Variants in TMEM41B observed in about 807,000 individuals in gnomAD.
TMEM41B encodes protein stasimon.
TMEM41B carries 18 observed loss-of-function variants against 31.9 expected under a neutral mutation model. The ratio of observed to expected loss-of-function variants is 0.56; its 90% CI spans 0.39 to 0.84. TMEM41B has a LOEUF of 0.84. Ranked by LOEUF, TMEM41B falls within the 40% of genes least tolerant of loss-of-function variation. The probability of loss-of-function intolerance (pLI) is 0.00; values close to 1 mark genes in which losing one functional copy is unlikely to be tolerated. For synonymous variants in TMEM41B, 144 were observed against 124.3 expected, an observed-to-expected ratio of 1.16 and a Z score of -1.05; for missense variants, 322 against 348.0, an observed-to-expected ratio of 0.93 and a Z score of 0.59.
intron 2 of TMEM41B, among the ~76,000 whole-genome samples, chr11:9,297,743 C>T (rs1274483387): frequency 4.0e-5 from 6 of 151,560 alleles, no homozygotes; most frequent in Non-Finnish European, 8.8e-5. Context: ...GCTATGTGAC[C>T]CAGGCTGTTC....
intron 2 of TMEM41B, among the ~76,000 whole-genome samples, chr11:9,296,203 T>C (rs149146164): frequency 3.3e-5 from 5 of 152,210 alleles, no homozygotes; most frequent in African/African-American, 1.2e-4. Flanking sequence ...AGACAGGCAA[T>C]TTTTTCTTTT....
Position 9,295,345 on chromosome 11 carries a change from A to C in TMEM41B, c.282T>G (p.Asp94Glu), listed in dbSNP as rs769965437. The change falls in exon 3 of 7, where the codon GAT (aspartate) becomes GAG (glutamate). Residue 94 changes from aspartate to glutamate, a missense_variant. Asp to Glu is a conservative substitution (Grantham distance 45). Around this residue, in one of 3 missense-constraint regions of TMEM41B, gnomAD observed 183 missense variants for 175.3 expected, o/e 1.04. Coordinates refer to ENST00000528080, the MANE Select transcript of TMEM41B (RefSeq NM_015012.4). The stretch of plus-strand genomic sequence containing the variant: ...ATAAAACTTTTCCTAGAGCCTTGGC[A>C]TCATCCATATCTCTGGGAACCTTCA... ...VNMKVPRDMD[D>E]AKALGKVLSK... is the part of the protein sequence containing the mutation. The C allele has an allele frequency of 1.3e-6, 2 of 1,597,674 alleles. No individual in the cohort carries two copies. Among genetic ancestry groups the C allele is most frequent in the South Asian group, 1.1e-5 (1 of 88,404 alleles).
At chr11:9,312,375 A>G (rs890922150) in intron 1 of TMEM41B, among the ~76,000 whole-genome samples, 4 of 152,178 alleles carry the variant, frequency 2.6e-5, no homozygotes, top group Non-Finnish European at 5.9e-5. Context: ...GGTGGCACAC[A>G]CCTGTAGTCA....
chr11:9,314,588 T>C lies in TMEM41B; in HGVS notation c.-147A>G, dbSNP rs558772829. On this transcript the variant is annotated 5_prime_UTR_variant, in exon 1 of 7. Coordinates refer to ENST00000528080, the MANE Select transcript of TMEM41B (RefSeq NM_015012.4). ...CCCGAGACGACCTCAGCCCAGCGAG[T>C]ACTGCAACCTCCTGCAAACACCCGC... 2 of 1,133,812 alleles carry C rather than the reference T, an allele frequency of 1.8e-6. No homozygotes were observed. Among genetic ancestry groups the C allele is most frequent in the Non-Finnish European group, 2.4e-6 (2 of 829,842 alleles). The allele number at this position is 1,133,812 out of a possible 1,614,324, so 70.2% of individuals were successfully genotyped here.
rs968198578 is a variant in TMEM41B at position 9,282,014 on chromosome 11, T to C, written c.*1410A>G. 1.5e-4 allele frequency: 23 copies of C among 152,230 alleles called. No individual in the cohort carries two copies. The highest frequency in any genetic ancestry group is 5.5e-4 in the African/African-American group (23 of 41,464). 9.4% of individuals were successfully genotyped at this position (152,230 alleles called of 1,614,324 possible). A position where few individuals can be genotyped will look rare whatever the true frequency, so the allele number is the denominator to read the frequency against. On this transcript the variant is annotated 3_prime_UTR_variant, in exon 7 of 7. Transcript: ENST00000528080. ...AACTTAATGTCTAAAAACTACATAC[T>C]CTTGAATGTTTGCTTTTTAGAGCCC...
chr11:9,314,555 C>T lies in TMEM41B; in HGVS notation c.-114G>A, dbSNP rs1853648147. On this transcript the variant is annotated 5_prime_UTR_variant, in exon 1 of 7. Coordinates refer to ENST00000528080, the MANE Select transcript of TMEM41B (RefSeq NM_015012.4). ...ACGGCTAGAGCCACTTCCGGCGCGA[C>T]CTCCTCACCCGAGACGACCTCAGCC... 2.1e-6 allele frequency: 3 copies of T among 1,398,588 alleles called. No individual in the cohort carries two copies. In the Admixed American group the frequency reaches 8.0e-5, roughly 37 times the overall value. The allele number at this position is 1,398,588 out of a possible 1,614,324, so 86.6% of individuals were successfully genotyped here. A position where few individuals can be genotyped will look rare whatever the true frequency, so the allele number is the denominator to read the frequency against.
At chr11:9,286,259 C>T (rs895488783) in intron 6 of TMEM41B, among the ~76,000 whole-genome samples, 196 bp downstream of exon 6, 21 of 152,108 alleles carry the variant, frequency 1.4e-4, no homozygotes, top group African/African-American at 4.6e-4. Flanking sequence ...TTTAAAGAGG[C>T]GACACAAAAA....
At chr11:9,290,953 T>C (rs1852944660) in intron 3 of TMEM41B, among the ~76,000 whole-genome samples, 1 of 151,924 alleles carries the variant, frequency 6.6e-6, no homozygotes, top group African/African-American at 2.4e-5. Context: ...CTGTCTTTAA[T>C]AAAAATACAA....
chr11:9,292,951 T>TTC (rs1311064863), intron 3 of TMEM41B, among the ~76,000 whole-genome samples: 2 of 152,150 alleles, frequency 1.3e-5, no homozygotes, highest in East Asian at 3.9e-4. Context: ...TCCTAATGAG[T>TTC]GTGAGGTTGC....
intron 2 of TMEM41B, among the ~76,000 whole-genome samples, chr11:9,298,032 T>G (rs1853142012): frequency 7.3e-6 from 1 of 137,208 alleles, no homozygotes; most frequent in South Asian, 2.3e-4. Context: ...CCACTACACT[T>G]CAGCCTGGGT....
In TMEM41B at chr11:9,283,068, A is replaced by C. The variant is rs1852757811; in HGVS notation, c.*356T>G. 6.4e-6 allele frequency: 1 copy of C among 155,256 alleles called. No homozygotes were observed. The highest frequency in any genetic ancestry group is 1.4e-5 in the Non-Finnish European group (1 of 70,306). The allele number at this position is 155,256 out of a possible 1,614,324, so 9.6% of individuals were successfully genotyped here. A position where few individuals can be genotyped will look rare whatever the true frequency, so the allele number is the denominator to read the frequency against. On this transcript the variant is annotated 3_prime_UTR_variant, in exon 7 of 7. Transcript: ENST00000528080. ...TACTTTAAAAAATCTAGAATTTAAA[A>C]ATATCTATTTTAGTTATTAAAGATA... is the stretch of plus-strand genomic sequence containing the variant.
intron 2 of TMEM41B, among the ~76,000 whole-genome samples, chr11:9,295,824 G>A (rs1853071759): frequency 2.1e-5 from 3 of 141,064 alleles, no homozygotes; most frequent in African/African-American, 5.3e-5. Context: ...GTGAGCAACC[G>A]CACCTGGCCT....
chr11:9,287,609 G>T, intron 5 of TMEM41B, 93 bp downstream of exon 5: 4 of 775,490 alleles, frequency 5.2e-6, no homozygotes, highest in South Asian at 1.9e-5. Context: ...ATTTATGTTG[G>T]GTTAATACAT....
Position 9,283,064 on chromosome 11 carries a change from T to A in TMEM41B, c.*360A>T, listed in dbSNP as rs1301107308. 1.9e-5 allele frequency: 3 copies of A among 154,404 alleles called. No individual in the cohort carries two copies. The East Asian group carries it at 5.7e-4, about 29-fold the overall frequency. The allele number at this position is 154,404 out of a possible 1,614,324, so 9.6% of individuals were successfully genotyped here. The stretch of plus-strand genomic sequence containing the variant: ...ACACTACTTTAAAAAATCTAGAATT[T>A]AAAAATATCTATTTTAGTTATTAAA... On this transcript the variant is annotated 3_prime_UTR_variant, in exon 7 of 7. Coordinates refer to ENST00000528080, the MANE Select transcript of TMEM41B (RefSeq NM_015012.4).
In TMEM41B at chr11:9,302,556, T is replaced by TA. The variant is rs1436022500; in HGVS notation, c.122-2856dup. Among the ~76,000 whole-genome samples the TA allele has an allele frequency of 2.0e-5, 2 of 99,566 alleles. 1 individual carries two copies. The highest frequency in any genetic ancestry group is 7.8e-5 in the African/African-American group (2 of 25,718). The allele number at this position is 99,566 out of a possible 152,430, so 65.3% of individuals were successfully genotyped here. On this transcript the variant is annotated intron_variant, in intron 1 of 6. Transcript: ENST00000528080. ...AATCCTCCTACTTCAGCCCCTCAAGTAGCTGGCACTACAGGCATGTAACAC... is the reference window on the plus strand; with the variant it reads ...AATCCTCCTACTTCAGCCCCTCAAGTAAGCTGGCACTACAGGCATGTAACAC...
chr11:9,285,528 C>A (rs559705151), intron 6 of TMEM41B, among the ~76,000 whole-genome samples: 1 of 152,078 alleles, frequency 6.6e-6, no homozygotes, highest in African/African-American at 2.4e-5. Context: ...CAATTCAACT[C>A]GAACTGGAAA....
intron 4 of TMEM41B, chr11:9,288,090 C>T: frequency 4.8e-6 from 2 of 413,642 alleles, no homozygotes; most frequent in Non-Finnish European, 8.4e-6. Context: ...GAGCCAATTT[C>T]CACCTCCCCC....
At chr11:9,308,218 C>A (rs1005232140) in intron 1 of TMEM41B, among the ~76,000 whole-genome samples, 5 of 152,108 alleles carry the variant, frequency 3.3e-5, no homozygotes, top group African/African-American at 1.2e-4. Context: ...TGGTATGCGC[C>A]TGTAATCCCA....
chr11:9,311,236 A>G, intron 1 of TMEM41B: 5 of 1,483,552 alleles, frequency 3.4e-6, no homozygotes, highest in Non-Finnish European at 4.6e-6. Context: ...TTGATAGGAG[A>G]GCAGAACTGG....
Sources: allele counts gnomAD v4.1 joint callset (sites outside exome capture counted in the v4.1 genomes callset), GRCh38; gene constraint gnomAD v4.1.1; regional missense constraint gnomAD v4.1.1; transcripts MANE v1.5; gene names NCBI Gene and HGNC (gene_info 2026-07-23, HGNC 2026-07-21).